SSUH2: variants seen among roughly 807,000 people sequenced by gnomAD.
SSUH2 encodes protein SSUH2 homolog.
SSUH2 carries 47 observed loss-of-function variants against 55.3 expected under a neutral mutation model. The observed-to-expected ratio is 0.85, with a 90% CI of 0.67 to 1.08. The LOEUF (loss-of-function observed/expected upper bound fraction) is 1.08, where lower values mean the gene tolerates loss of function less well. SSUH2 is among the 50% of genes least tolerant of loss of function. SSUH2 has a pLI of 0.00. For missense variants in SSUH2, 535 were observed against 490.7 expected (o/e 1.09, Z -0.85); for synonymous variants, 212 against 191.5 (o/e 1.11, Z -0.89).
At chr3:8,626,176 C>G in intron 9 of SSUH2, 53 bp downstream of exon 9, 1 of 1,470,270 alleles carries the variant, frequency 6.8e-7, no homozygotes, top group East Asian at 2.3e-5. Context: ...CAGTCCAGGG[C>G]TAAGTCCCTC....
intron 5 of SSUH2, among the ~76,000 whole-genome samples, chr3:8,668,450 C>T (rs1387932454): frequency 2.6e-5 from 4 of 152,218 alleles, no homozygotes; most frequent in Non-Finnish European, 5.9e-5. Flanking sequence ...TACTGCAAAT[C>T]TAACATTAAT....
chr3:8,676,843 G>A (rs1414368319), intron 3 of SSUH2, among the ~76,000 whole-genome samples: 1 of 149,966 alleles, frequency 6.7e-6, no homozygotes, highest in Admixed American at 6.6e-5. Flanking sequence ...TCCCCACCTG[G>A]CCCTTAGGAC....
At chr3:8,645,983 T>C (rs183069228), upstream of SSUH2, among the ~76,000 whole-genome samples, 27 of 152,304 alleles carry the variant, frequency 1.8e-4, no homozygotes, top group African/African-American at 6.0e-4. Context: ...AGCACTGGAT[T>C]TCTGATACTT....
chr3:8,640,076 G>A, intron 1 of SSUH2: 1 of 840,028 alleles, frequency 1.2e-6, no homozygotes, highest in Non-Finnish European at 1.4e-6. Context: ...GGGGCTGTGG[G>A]GAGAAGGGAA....
intron 7 of SSUH2, among the ~76,000 whole-genome samples, chr3:8,654,906 C>T (rs970974402): frequency 2.3e-5 from 3 of 129,912 alleles, no homozygotes; most frequent in African/African-American, 8.8e-5. Context: ...CCTCTTCCCC[C>T]GGGTCTCAGT....
At chr3:8,641,277 A>G (rs1478921976) in intron 1 of SSUH2, among the ~76,000 whole-genome samples, 1 of 152,244 alleles carries the variant, frequency 6.6e-6, no homozygotes, top group Non-Finnish European at 1.5e-5. Flanking sequence ...GACTTGGAGT[A>G]CCCCAAAGGT....
chr3:8,636,797 G>A (rs1384567935), intron 1 of SSUH2, among the ~76,000 whole-genome samples: 1 of 152,108 alleles, frequency 6.6e-6, no homozygotes, highest in East Asian at 1.9e-4. Flanking sequence ...ATGCCATCTT[G>A]GTGTCTGCTT....
rs1357611395 is a variant in SSUH2, at chr3:8,677,583, T to C, written c.-900-230A>G. On this transcript the variant is annotated intron_variant, in intron 2 of 18. Transcript: ENST00000317371. ...ACCCGATCTGACACAGCCTTTTCCA[T>C]TGTATGCATCAGAGAGAGAAAAGAT... is the stretch of plus-strand genomic sequence containing the variant. Among the ~76,000 whole-genome samples, 6 of 150,780 alleles carry C rather than the reference T, an allele frequency of 4.0e-5. 1 individual carries two copies. Among genetic ancestry groups the C allele is most frequent in the Non-Finnish European group, 8.8e-5 (6 of 67,828 alleles).
At chr3:8,670,000 T>C in intron 5 of SSUH2, among the ~76,000 whole-genome samples, 1 of 152,188 alleles carries the variant, frequency 6.6e-6, no homozygotes, top group East Asian at 1.9e-4. Context: ...TAATTTCTTG[T>C]TTTTGATCCG....
chr3:8,664,643 A>G (rs1305145841), intron 5 of SSUH2, among the ~76,000 whole-genome samples: 1 of 152,214 alleles, frequency 6.6e-6, no homozygotes, highest in East Asian at 1.9e-4. Flanking sequence ...TGAAGATTAC[A>G]AACCTGGAGG....
intron 6 of SSUH2, among the ~76,000 whole-genome samples, chr3:8,659,185 G>C (rs1351305825): frequency 6.6e-6 from 1 of 152,254 alleles, no homozygotes; most frequent in East Asian, 1.9e-4. Flanking sequence ...ATGTTTCATT[G>C]TCTTTCTTTG....
At chr3:8,654,014 T>C (rs1702694417) in intron 7 of SSUH2, among the ~76,000 whole-genome samples, 1 of 152,238 alleles carries the variant, frequency 6.6e-6, no homozygotes, top group Non-Finnish European at 1.5e-5. Context: ...CAGCTCAGGC[T>C]GCCATGACAA....
chr3:8,674,656 T>C (rs1392180154), intron 3 of SSUH2, among the ~76,000 whole-genome samples: 1 of 152,166 alleles, frequency 6.6e-6, no homozygotes, highest in Admixed American at 6.5e-5. Context: ...TTTTGGTACA[T>C]GCCTGACTGT....
upstream of SSUH2, among the ~76,000 whole-genome samples, chr3:8,649,447 T>C (rs1450093148): frequency 1.3e-5 from 2 of 152,102 alleles, no homozygotes; most frequent in African/African-American, 4.8e-5. Context: ...TCCTTCAGTG[T>C]TATGGTCGTC....
intron 5 of SSUH2, among the ~76,000 whole-genome samples, chr3:8,668,509 A>G (rs1704206295): frequency 1.3e-5 from 2 of 152,100 alleles, no homozygotes; most frequent in Admixed American, 1.3e-4. Flanking sequence ...TTCCTCATTA[A>G]TCTCATTACT....
At chr3:8,651,199 C>T (rs923903960) in intron 7 of SSUH2, among the ~76,000 whole-genome samples, 6 of 152,230 alleles carry the variant, frequency 3.9e-5, no homozygotes, top group Non-Finnish European at 8.8e-5. Flanking sequence ...CCTTCCCAGG[C>T]CACAGGACAA....
rs546369666 is a variant in SSUH2 at position 8,677,793 on chromosome 3, C to T, written c.-900-440G>A. ...GCAAAACCTGAACATAAAGGCCCCC[C>T]ATGCTGTGGTGACTGAGAGCCAGCC... On this transcript the variant is annotated intron_variant, in intron 2 of 18. Transcript: ENST00000317371. Among the ~76,000 whole-genome samples the T allele has an allele frequency of 2.2e-3, 332 of 150,768 alleles. 13 individuals carry two copies. The highest frequency in any genetic ancestry group is 3.2e-3 in the Non-Finnish European group (217 of 67,844).
chr3:8,641,955 T>C (rs1373378683), intron 1 of SSUH2, among the ~76,000 whole-genome samples: 2 of 152,128 alleles, frequency 1.3e-5, no homozygotes, highest in Admixed American at 1.3e-4. Context: ...GGGGTGGTGA[T>C]GGCGATGTGG....
chr3:8,675,917 C>T (rs1705201786), intron 3 of SSUH2, among the ~76,000 whole-genome samples: 1 of 152,118 alleles, frequency 6.6e-6, no homozygotes, highest in Non-Finnish European at 1.5e-5. Flanking sequence ...AACTGTGGGG[C>T]CCTAGCTGAG....
Sources: gnomAD v4.1 joint callset for allele counts (sites outside exome capture counted in the v4.1 genomes callset) on GRCh38, gnomAD v4.1.1 for gene constraint, MANE v1.5 for transcripts, NCBI Gene and HGNC (gene_info 2026-07-23, HGNC 2026-07-21) for gene names.